NAV1: variants seen among roughly 807,000 people sequenced by gnomAD.
The protein encoded by NAV1 is neuron navigator 1, also known as pore membrane and/or filament interacting like protein 3.
Under a neutral mutation model 175.2 loss-of-function variants are expected in NAV1, and 18 were observed. That is an observed-to-expected ratio of 0.10 (90% CI 0.07 to 0.15). The LOEUF (loss-of-function observed/expected upper bound fraction) is 0.15. NAV1 is among the 10% of genes least tolerant of loss of function. The pLI is 1.00. For missense variants in NAV1, 1,731 were observed against 2,436.6 expected (o/e 0.71, Z 6.10); for synonymous variants, 897 against 978.7 (o/e 0.92, Z 1.56).
At chr1:201,646,539 G>A (rs754080922), upstream of NAV1, among the ~76,000 whole-genome samples, 14 of 152,048 alleles carry the variant, frequency 9.2e-5, no homozygotes, top group Non-Finnish European at 1.6e-4. Flanking sequence ...GGACAGAATC[G>A]CCACCTTTTT....
At chr1:201,576,473 G>A (rs1247613123) in intron 1 of NAV1, among the ~76,000 whole-genome samples, 1 of 152,126 alleles carries the variant, frequency 6.6e-6, no homozygotes, top group African/African-American at 2.4e-5. Flanking sequence ...GGGGATGGTG[G>A]CATGTGCCTG....
Position 201,718,670 on chromosome 1 carries a change from G to A in NAV1, c.1141G>A (p.Asp381Asn), listed in dbSNP as rs780615908. Residue 381 changes from aspartate (D) to asparagine (N), a missense_variant, in exon 3 of 30, where the codon GAT becomes AAT. Around this residue, in one of 13 missense-constraint regions of NAV1, gnomAD observed 487 missense variants for 581.3 expected, o/e 0.84. Transcript: ENST00000367296. This position sits in a 1 kb window ranked among gnomAD's most constrained non-coding sequence, Gnocchi z 4.8. Reference sequence around the variant, plus strand: ...GGAGCTGGTCGAATCCCTGGACTCGGATGAGGTGGACCTCAAGTCCGGCTA... The same window carrying A: ...GGAGCTGGTCGAATCCCTGGACTCGAATGAGGTGGACCTCAAGTCCGGCTA... The A allele has an allele frequency of 2.5e-6, 4 of 1,614,202 alleles. No individual in the cohort carries two copies. The East Asian group carries it at 8.9e-5, about 36-fold the overall frequency.
At chr1:201,557,593 C>T (rs1003314637) in intron 1 of NAV1, among the ~76,000 whole-genome samples, 5 of 152,194 alleles carry the variant, frequency 3.3e-5, no homozygotes, top group Non-Finnish European at 5.9e-5. Context: ...CCGTCCTTGG[C>T]TGGTAATCAA....
chr1:201,782,578 G>A lies in NAV1; in HGVS notation c.2066G>A (p.Gly689Asp). Residue 689 changes from glycine (G) to aspartate (D), a missense_variant, in exon 6 of 30, where the codon GGT becomes GAT. This residue lies in a region of NAV1 where 634 missense variants were observed against 766.8 expected (regional missense o/e 0.83). Coordinates refer to ENST00000367296, the Ensembl canonical transcript of NAV1. The surrounding 1 kb of genome is among the most constrained non-coding windows in gnomAD (Gnocchi z 5.4). Reference sequence around the variant, plus strand: ...TCTATGAGCGTGACCGGCGGGCGGGGTGGACCTCGCCCTGTGAGCAGCAGC... The same window carrying A: ...TCTATGAGCGTGACCGGCGGGCGGGATGGACCTCGCCCTGTGAGCAGCAGC... The A allele has an allele frequency of 6.2e-7, 1 of 1,612,388 alleles. No individual in the cohort carries two copies. Among genetic ancestry groups the A allele is most frequent in the Non-Finnish European group, 8.5e-7 (1 of 1,178,624 alleles).
chr1:201,688,727 C>T (rs1053917845), intron 1 of NAV1, among the ~76,000 whole-genome samples: 9 of 152,198 alleles, frequency 5.9e-5, no homozygotes, highest in African/African-American at 1.7e-4. Flanking sequence ...TTATTCTGTC[C>T]GATAATCGTC....
intron 1 of NAV1, among the ~76,000 whole-genome samples, chr1:201,659,786 G>A (rs906852251): frequency 6.6e-6 from 1 of 152,226 alleles, no homozygotes; most frequent in Non-Finnish European, 1.5e-5. Flanking sequence ...AGGGAGTGAA[G>A]ACAGCCGGCT....
At chr1:201,565,423 G>A (rs1025601358) in intron 1 of NAV1, among the ~76,000 whole-genome samples, 3 of 152,202 alleles carry the variant, frequency 2.0e-5, no homozygotes, top group African/African-American at 7.2e-5. Flanking sequence ...CCCTGCTCTT[G>A]GCAGCTCACA....
intron 2 of NAV1, among the ~76,000 whole-genome samples, chr1:201,639,065 G>A (rs901290011): frequency 2.0e-5 from 3 of 152,224 alleles, no homozygotes; most frequent in African/African-American, 7.2e-5. Context: ...CTCTGAAGCT[G>A]GGCCTTGAGG....
rs958154790 is a variant in NAV1 at position 201,718,908 on chromosome 1, G to C, written c.1226+153G>C. ...AGTGTGCTGTGTACACTTTGTGATT[G>C]CCTCTGAAATTCGATGTGGTTTATT... is the stretch of plus-strand genomic sequence containing the variant. On this transcript the variant is annotated intron_variant, in intron 3 of 29. Coordinates refer to ENST00000367296, the Ensembl canonical transcript of NAV1. The surrounding 1 kb of genome is among the most constrained non-coding windows in gnomAD (Gnocchi z 4.8). Among the ~76,000 whole-genome samples the C allele has an allele frequency of 6.6e-6, 1 of 152,072 alleles. No individual in the cohort carries two copies. The highest frequency in any genetic ancestry group is 2.4e-5 in the African/African-American group (1 of 41,406).
upstream of NAV1, among the ~76,000 whole-genome samples, chr1:201,621,578 T>C (rs6685540): frequency 0.16 from 23,588 of 151,686 alleles, 3,412 homozygotes; most frequent in African/African-American, 0.38. Context: ...GTGATCCACC[T>C]GCCTCAGCCT....
rs116133808 is a variant in NAV1, at chr1:201,632,924, G to A, written c.4+3417G>A. 1.2e-3 allele frequency among the ~76,000 whole-genome samples: 176 copies of A among 152,340 alleles called. 1 individual carries two copies. Among genetic ancestry groups the A allele is most frequent in the Non-Finnish European group, 2.0e-3 (136 of 68,036 alleles). On this transcript the variant is annotated intron_variant, in intron 2 of 29. Transcript: ENST00000367302. ...AGCAGGAATAGAGTATTCATTCTAA[G>A]AGAACTTGCAAAGCTAGTGTGCCTG...
At chr1:201,816,674 C>CT (rs35468878) in intron 28 of NAV1, among the ~76,000 whole-genome samples, 37,528 of 102,818 alleles carry the variant, frequency 0.36, 8,859 homozygotes, top group East Asian at 0.66. Flanking sequence ...AGGAAGTGCA[C>CT]TTTTTTTTTT....
chr1:201,583,016 C>T (rs1233615414), intron 1 of NAV1, among the ~76,000 whole-genome samples: 1 of 152,264 alleles, frequency 6.6e-6, no homozygotes, highest in African/African-American at 2.4e-5. Context: ...TATACGGGAT[C>T]CCTCAGCATC....
Position 201,624,142 on chromosome 1 carries a change from C to T in NAV1, c.-101+536C>T, listed in dbSNP as rs1226387644. 3.3e-5 allele frequency among the ~76,000 whole-genome samples: 5 copies of T among 152,212 alleles called. No individual in the cohort carries two copies. The East Asian group carries it at 9.7e-4, about 29-fold the overall frequency. ...TTTGCTCACTCCATTTGCTATAGTG[C>T]CTTGTGCATATCTGCTTATGTGCCT... On this transcript the variant is annotated intron_variant, in intron 1 of 29. Coordinates refer to the NAV1 transcript ENST00000367302.
intron 5 of NAV1, among the ~76,000 whole-genome samples, chr1:201,781,915 C>G (rs1002084472): frequency 4.6e-5 from 7 of 151,790 alleles, no homozygotes; most frequent in African/African-American, 1.7e-4. Context: ...TTGTGTTTGC[C>G]TCTGCCTTTT....
intron 3 of NAV1, among the ~76,000 whole-genome samples, chr1:201,776,977 G>C (rs1391232865): frequency 6.6e-6 from 1 of 152,116 alleles, no homozygotes; most frequent in Non-Finnish European, 1.5e-5. Context: ...CAAGGACAAA[G>C]AATCAGAAGG....
At chr1:201,722,767 G>A (rs762376325) in intron 3 of NAV1, among the ~76,000 whole-genome samples, 3 of 152,088 alleles carry the variant, frequency 2.0e-5, no homozygotes, top group African/African-American at 4.8e-5. Context: ...TAATTTCTCC[G>A]AATTCTCCCC....
upstream of NAV1, among the ~76,000 whole-genome samples, chr1:201,647,929 G>C (rs1354073965): frequency 2.6e-5 from 4 of 151,648 alleles, no homozygotes; most frequent in South Asian, 6.3e-4. Context: ...GGGGGTCCCC[G>C]TGCCCTCCGA....
intron 3 of NAV1, among the ~76,000 whole-genome samples, chr1:201,763,245 G>A (rs1381768026): frequency 6.6e-6 from 1 of 152,150 alleles, no homozygotes; most frequent in Non-Finnish European, 1.5e-5. Flanking sequence ...GGAAATTGAG[G>A]CTAAGACAAG....
Sources: allele counts gnomAD v4.1 joint callset (sites outside exome capture counted in the v4.1 genomes callset), GRCh38; gene constraint gnomAD v4.1.1; regional missense constraint gnomAD v4.1.1; non-coding constraint Gnocchi (gnomAD v3.1); transcripts MANE v1.5; gene names NCBI Gene and HGNC (gene_info 2026-07-23, HGNC 2026-07-21).